Variants in LRRC37A observed in about 807,000 individuals in gnomAD.
LRRC37A encodes the protein leucine rich repeat containing 37A, also known as leucine-rich repeat-containing protein 37A.
A neutral mutation model predicts 35.4 loss-of-function variants in LRRC37A; 3 were observed. The observed-to-expected ratio is 0.08, with a 90% confidence interval of 0.04 to 0.22. The LOEUF (loss-of-function observed/expected upper bound fraction) is 0.22, where lower values mean the gene tolerates loss of function less well. Ranked by LOEUF, LRRC37A falls within the 10% of genes least tolerant of loss-of-function variation. The probability of loss-of-function intolerance (pLI) is 1.00; values close to 1 mark genes in which losing one functional copy is unlikely to be tolerated. For missense variants in LRRC37A, 67 were observed against 565.3 expected, an observed-to-expected ratio of 0.12 and a Z score of 8.94; for synonymous variants, 23 against 215.0, an observed-to-expected ratio of 0.11 and a Z score of 7.81.
At chr17:46,280,342 C>T in the LRRC37A span, among the ~76,000 whole-genome samples, 1 of 151,872 alleles carries the variant, frequency 6.6e-6, no homozygotes, top group African/African-American at 2.4e-5. Flanking sequence ...CCAGCCTGGG[C>T]AACAGAGTGA....
chr17:46,287,196 G>A, the LRRC37A span, among the ~76,000 whole-genome samples: 2 of 152,222 alleles, frequency 1.3e-5, no homozygotes, highest in Non-Finnish European at 2.9e-5. Context: ...ACACTGCTTA[G>A]TGAAATATGG....
chr17:46,280,885 C>G, the LRRC37A span, among the ~76,000 whole-genome samples: 1 of 151,498 alleles, frequency 6.6e-6, no homozygotes. Flanking sequence ...CAATAGCACA[C>G]GCTTTTAAAA....
chr17:46,270,452 A>G, the LRRC37A span, among the ~76,000 whole-genome samples: 2 of 152,354 alleles, frequency 1.3e-5, no homozygotes, highest in South Asian at 4.1e-4. Context: ...GTTTTGTCCA[A>G]ATTTATTATA....
upstream of LRRC37A, among the ~76,000 whole-genome samples, chr17:46,290,705 CCAA>C (rs1332829859): frequency 6.6e-6 from 1 of 152,214 alleles, no homozygotes; most frequent in Non-Finnish European, 1.5e-5. Context: ...CCTCAGCCTC[CCAA>C]AGTGCTGGGA....
the LRRC37A span, among the ~76,000 whole-genome samples, chr17:46,252,187 C>T: frequency 2.6e-5 from 4 of 151,112 alleles, no homozygotes; most frequent in African/African-American, 7.3e-5. Context: ...CAGGTATTTA[C>T]TGGGGTCACC....
the LRRC37A span, among the ~76,000 whole-genome samples, chr17:46,248,616 T>A: frequency 0.046 from 6,929 of 151,476 alleles, 883 homozygotes; most frequent in East Asian, 0.42. Flanking sequence ...ACCTCCCAGG[T>A]TCAAGTGATT....
the LRRC37A span, among the ~76,000 whole-genome samples, chr17:46,249,783 T>A: frequency 6.6e-6 from 1 of 152,214 alleles, no homozygotes; most frequent in Non-Finnish European, 1.5e-5. Flanking sequence ...CAGAGCCAGA[T>A]GGCTGTCACT....
At chr17:46,248,695 T>C in the LRRC37A span, among the ~76,000 whole-genome samples, 2 of 152,008 alleles carry the variant, frequency 1.3e-5, no homozygotes, top group African/African-American at 4.9e-5. Flanking sequence ...AATTTTTGTA[T>C]TTTTAGTAGA....
At chr17:46,253,197 G>A in the LRRC37A span, among the ~76,000 whole-genome samples, 24 of 146,732 alleles carry the variant, frequency 1.6e-4, no homozygotes, top group African/African-American at 5.4e-4. Flanking sequence ...ACGGGGCGGC[G>A]GGGCAGAGGC....
the LRRC37A span, among the ~76,000 whole-genome samples, chr17:46,270,900 AAAC>A: frequency 1.3e-5 from 2 of 152,222 alleles, no homozygotes; most frequent in African/African-American, 2.4e-5. Flanking sequence ...ACTCTGTCTG[AAAC>A]AACAACAAAA....
the LRRC37A span, among the ~76,000 whole-genome samples, chr17:46,285,026 G>A: frequency 6.6e-6 from 1 of 152,110 alleles, no homozygotes; most frequent in African/African-American, 2.4e-5. Flanking sequence ...AACATGCCCA[G>A]CTAATTTTTT....
chr17:46,253,648 CTGAGGCAGGAGAA>C, the LRRC37A span, among the ~76,000 whole-genome samples: 1 of 146,956 alleles, frequency 6.8e-6, no homozygotes, highest in Admixed American at 6.8e-5. Context: ...ACTTGGTAGG[CTGAGGCAGGAGAA>C]TCAGGCAGGG....
At chr17:46,271,597 TAG>T in the LRRC37A span, among the ~76,000 whole-genome samples, 18,545 of 152,044 alleles carry the variant, frequency 0.12, no homozygotes, top group Non-Finnish European at 0.18. Flanking sequence ...CATAAAGAAG[TAG>T]AGAGTTTGCC....
the LRRC37A span, among the ~76,000 whole-genome samples, chr17:46,272,886 A>G: frequency 2.0e-5 from 3 of 152,248 alleles, no homozygotes; most frequent in Admixed American, 2.0e-4. Context: ...CATAAAATTT[A>G]CCCTTTTTAA....
At chr17:46,279,426 C>T in the LRRC37A span, among the ~76,000 whole-genome samples, 1 of 151,912 alleles carries the variant, frequency 6.6e-6, no homozygotes, top group African/African-American at 2.4e-5. Flanking sequence ...TCAGGTGATC[C>T]ATCCACCTTG....
chr17:46,282,227 C>G, the LRRC37A span, among the ~76,000 whole-genome samples: 1 of 152,036 alleles, frequency 6.6e-6, no homozygotes, highest in Non-Finnish European at 1.5e-5. Context: ...CTCAGCCTCC[C>G]GAGTAGCTGG....
the LRRC37A span, among the ~76,000 whole-genome samples, chr17:46,272,807 T>C: frequency 6.6e-6 from 1 of 152,258 alleles, no homozygotes; most frequent in South Asian, 2.1e-4. Flanking sequence ...TGTATGGTGA[T>C]AGAAACTGTA....
the LRRC37A span, chr17:46,275,269 T>G: frequency 2.1e-6 from 1 of 483,954 alleles, no homozygotes; most frequent in African/African-American, 2.3e-5. Context: ...AAAACAAAGT[T>G]TAGGTCAAGT....
upstream of LRRC37A, among the ~76,000 whole-genome samples, chr17:46,288,495 G>A (rs2049979363): frequency 1.3e-5 from 2 of 151,670 alleles, no homozygotes; most frequent in Non-Finnish European, 2.9e-5. Flanking sequence ...TTTTGGTTGT[G>A]CCACGTTGGC....
Sources: allele counts gnomAD v4.1 joint callset (sites outside exome capture counted in the v4.1 genomes callset), GRCh38; gene constraint gnomAD v4.1.1; transcripts MANE v1.5; gene names NCBI Gene and HGNC (gene_info 2026-07-23, HGNC 2026-07-21).